NEGR1: variants seen among roughly 807,000 people sequenced by gnomAD.
The protein encoded by NEGR1 is neuronal growth regulator 1.
In NEGR1, 10 loss-of-function variants were observed where a neutral mutation model predicts 40.9. The ratio of observed to expected loss-of-function variants is 0.24; its 90% CI spans 0.15 to 0.42. The LOEUF (loss-of-function observed/expected upper bound fraction) is 0.42, where lower values mean the gene tolerates loss of function less well. Among genes scored for constraint, NEGR1 ranks in the 10% least tolerant of loss-of-function variants. NEGR1 has a pLI of 1.00. For missense variants in NEGR1, 352 were observed against 438.9 expected, an observed-to-expected ratio of 0.80 and a Z score of 1.77; for synonymous variants, 185 against 166.8, an observed-to-expected ratio of 1.11 and a Z score of -0.84.
At chr1:72,265,910 C>T (rs1374975907) in intron 1 of NEGR1, among the ~76,000 whole-genome samples, 3 of 150,074 alleles carry the variant, frequency 2.0e-5, no homozygotes, top group African/African-American at 7.3e-5. Flanking sequence ...TTTATACTCC[C>T]CTATTCAAAA....
At chr1:72,255,699 C>T (rs2100537433) in intron 1 of NEGR1, among the ~76,000 whole-genome samples, 1 of 152,070 alleles carries the variant, frequency 6.6e-6, no homozygotes, top group Non-Finnish European at 1.5e-5. Context: ...TACAGGCATG[C>T]ACCACCACAC....
At chr1:72,117,195 A>G (rs938024269) in intron 1 of NEGR1, among the ~76,000 whole-genome samples, 7 of 151,848 alleles carry the variant, frequency 4.6e-5, no homozygotes, top group Non-Finnish European at 5.9e-5. Context: ...TTCTTCTCAT[A>G]TACTTTAATG....
At chr1:72,050,203 G>A (rs1187285806) in intron 1 of NEGR1, among the ~76,000 whole-genome samples, 1 of 151,542 alleles carries the variant, frequency 6.6e-6, no homozygotes, top group African/African-American at 2.4e-5. Flanking sequence ...GATGATTAAT[G>A]TTAAAAATAT....
intron 2 of NEGR1, among the ~76,000 whole-genome samples, chr1:71,850,600 T>A (rs895316799): frequency 6.6e-6 from 1 of 152,226 alleles, no homozygotes. Flanking sequence ...TATTCATTCA[T>A]CTCATTTATT....
intron 6 of NEGR1, among the ~76,000 whole-genome samples, chr1:71,419,694 G>A (rs950602657): frequency 3.3e-5 from 5 of 151,870 alleles, no homozygotes; most frequent in African/African-American, 4.8e-5. Context: ...AGGCACTCAC[G>A]GTTCTTATTT....
intron 2 of NEGR1, among the ~76,000 whole-genome samples, chr1:71,873,810 T>C (rs906715250): frequency 6.6e-6 from 1 of 152,170 alleles, no homozygotes; most frequent in African/African-American, 2.4e-5. Context: ...AATGAGCATT[T>C]GGATGTGGTT....
chr1:71,645,851 G>T (rs1311803140), intron 4 of NEGR1, among the ~76,000 whole-genome samples: 1 of 151,796 alleles, frequency 6.6e-6, no homozygotes, highest in Non-Finnish European at 1.5e-5. Context: ...GTTGAGTAAT[G>T]ATTGGGAAGT....
intron 2 of NEGR1, among the ~76,000 whole-genome samples, chr1:71,854,305 C>G (rs563015509): frequency 6.6e-6 from 1 of 151,994 alleles, no homozygotes; most frequent in Non-Finnish European, 1.5e-5. Flanking sequence ...TCTTATACTT[C>G]GGGCCCAAAT....
chr1:72,136,597 C>CAA (rs71074821), intron 1 of NEGR1, among the ~76,000 whole-genome samples: 15 of 132,442 alleles, frequency 1.1e-4, no homozygotes, highest in African/African-American at 1.8e-4. Context: ...TCTTAGCCAG[C>CAA]AAAAAAAATG....
intron 1 of NEGR1, among the ~76,000 whole-genome samples, chr1:72,097,431 C>T (rs1648745038): frequency 6.6e-6 from 1 of 152,114 alleles, no homozygotes; most frequent in Admixed American, 6.6e-5. Context: ...TTTCCACGTC[C>T]TGCCTCACTA....
At chr1:71,849,969 C>A (rs780000303) in intron 2 of NEGR1, among the ~76,000 whole-genome samples, 26 of 152,172 alleles carry the variant, frequency 1.7e-4, no homozygotes, top group South Asian at 1.5e-3. Context: ...CAATTTATTG[C>A]AATATTTACT....
chr1:71,993,189 C>A (rs980075911), intron 1 of NEGR1, among the ~76,000 whole-genome samples: 2 of 152,128 alleles, frequency 1.3e-5, no homozygotes, highest in East Asian at 3.8e-4. Flanking sequence ...ACTTTCCACA[C>A]CCTAGTCAGG....
At chr1:71,438,321 A>G (rs975633560) in intron 6 of NEGR1, among the ~76,000 whole-genome samples, 3 of 152,222 alleles carry the variant, frequency 2.0e-5, no homozygotes, top group Non-Finnish European at 2.9e-5. Context: ...ACTTACATAC[A>G]TATTTCTAGA....
chr1:72,091,582 T>C (rs982533435), intron 1 of NEGR1, among the ~76,000 whole-genome samples: 1 of 152,122 alleles, frequency 6.6e-6, no homozygotes, highest in Non-Finnish European at 1.5e-5. Context: ...GGCATGATCA[T>C]ACTATAGTTG....
chr1:72,082,739 T>C (rs1315437690), intron 1 of NEGR1, among the ~76,000 whole-genome samples: 1 of 151,732 alleles, frequency 6.6e-6, no homozygotes, highest in Admixed American at 6.6e-5. Flanking sequence ...TAATGGGTCA[T>C]CCTGAGGGAG....
At chr1:71,907,427 C>A (rs188938903) in intron 2 of NEGR1, among the ~76,000 whole-genome samples, 106 of 151,988 alleles carry the variant, frequency 7.0e-4, no homozygotes, top group African/African-American at 2.1e-3. Context: ...TGGAATAGTC[C>A]CTGGGAAATG....
At chr1:71,460,576 T>A (rs999278262) in intron 6 of NEGR1, among the ~76,000 whole-genome samples, 1 of 152,218 alleles carries the variant, frequency 6.6e-6, no homozygotes, top group African/African-American at 2.4e-5. Context: ...GAATATTATA[T>A]CAGATAATAT....
chr1:71,833,496 A>G (rs2101793535), intron 2 of NEGR1, among the ~76,000 whole-genome samples: 1 of 152,212 alleles, frequency 6.6e-6, no homozygotes, highest in Admixed American at 6.6e-5. Context: ...CTGGGGGGAA[A>G]AAAGTATTTT....
chr1:71,448,656 G>A (rs1388608722), intron 6 of NEGR1, among the ~76,000 whole-genome samples: 2 of 152,034 alleles, frequency 1.3e-5, no homozygotes, highest in African/African-American at 4.8e-5. Flanking sequence ...CATTTTAGAG[G>A]CAGAAAGCTC....
Sources: allele counts gnomAD v4.1 joint callset (sites outside exome capture counted in the v4.1 genomes callset), GRCh38; gene constraint gnomAD v4.1.1; transcripts MANE v1.5; gene names NCBI Gene and HGNC (gene_info 2026-07-23, HGNC 2026-07-21).